RAP1GAP: variants seen among roughly 807,000 people sequenced by gnomAD.
RAP1GAP encodes the protein rap1 GTPase-activating protein 1.
Under a neutral mutation model 87.2 loss-of-function variants are expected in RAP1GAP, and 35 were observed. The observed-to-expected ratio is 0.40, with a 90% CI of 0.31 to 0.53. The LOEUF (loss-of-function observed/expected upper bound fraction) is 0.53, where lower values mean the gene tolerates loss of function less well. Among genes scored for constraint, RAP1GAP ranks in the 20% least tolerant of loss-of-function variants. The probability of loss-of-function intolerance (pLI) is 0.48; values close to 1 mark genes in which losing one functional copy is unlikely to be tolerated. For synonymous variants in RAP1GAP, 375 were observed against 363.9 expected (o/e 1.03, Z -0.35); for missense variants, 734 against 898.9 (o/e 0.82, Z 2.35).
chr1:21,630,262 T>G (rs1267052429), intron 2 of RAP1GAP, among the ~76,000 whole-genome samples: 1 of 138,814 alleles, frequency 7.2e-6, no homozygotes, highest in Non-Finnish European at 1.6e-5. Context: ...TTTTTTCTTT[T>G]TCCCTTTTTT....
At chr1:21,666,022 C>A (rs568740086) in intron 1 of RAP1GAP, among the ~76,000 whole-genome samples, 14 of 152,360 alleles carry the variant, frequency 9.2e-5, no homozygotes, top group African/African-American at 2.9e-4. Flanking sequence ...ATGACTTGTC[C>A]GGGCCACACA....
At chr1:21,631,109 G>C (rs2093634626) in intron 2 of RAP1GAP, among the ~76,000 whole-genome samples, 1 of 151,870 alleles carries the variant, frequency 6.6e-6, no homozygotes, top group African/African-American at 2.4e-5. Context: ...TCCCACCCTG[G>C]TCTCCTCCTG....
Position 21,609,837 on chromosome 1 carries a change from G to A in RAP1GAP, c.1000-191C>T, listed in dbSNP as rs1349798919. ...TGCCCTGAATTTTAGTGGTGGAGAT[G>A]GGTAGGGGCCTTAGGAATCATCGGG... On this transcript the variant is annotated intron_variant, in intron 14 of 24. Transcript: ENST00000374765. The surrounding 1 kb of genome is among the most constrained non-coding windows in gnomAD (Gnocchi z 4.4). 6.6e-6 allele frequency among the ~76,000 whole-genome samples: 1 copy of A among 152,194 alleles called. No homozygotes were observed. The highest frequency in any genetic ancestry group is 1.5e-5 in the Non-Finnish European group (1 of 68,038).
In RAP1GAP at chr1:21,610,137, C is replaced by G. The variant is rs763429449; in HGVS notation, c.982G>C (p.Asp328His). The stretch of plus-strand genomic sequence containing the variant: ...GCGCCCACCTTGTAGAGGGGGCCAT[C>G]AGGGCCCCCGCCCTCAGCCTGCACC... Reference protein sequence around the residue: ...VVVQAEGGGPDGPLYKVSVTA... With the variant: ...VVVQAEGGGPHGPLYKVSVTA... Residue 328 changes from aspartate (D) to histidine (H), a missense_variant, in exon 14 of 25, where the codon GAT (aspartate) becomes CAT (histidine). Asp to His is a moderately conservative substitution (Grantham distance 81). Transcript: ENST00000374765. The G allele has an allele frequency of 6.2e-7, 1 of 1,613,970 alleles. No individual in the cohort carries two copies. The highest frequency in any genetic ancestry group is 8.5e-7 in the Non-Finnish European group (1 of 1,179,960).
intron 3 of RAP1GAP, among the ~76,000 whole-genome samples, chr1:21,620,338 C>A (rs116068751): frequency 6.6e-6 from 1 of 152,188 alleles, no homozygotes; most frequent in East Asian, 1.9e-4. Context: ...TGGGGAGGGA[C>A]AGATCGTCCC....
chr1:21,631,842 G>A (rs1410879517), intron 2 of RAP1GAP, among the ~76,000 whole-genome samples: 1 of 152,196 alleles, frequency 6.6e-6, no homozygotes, highest in Non-Finnish European at 1.5e-5. Flanking sequence ...CCAGTCCAGT[G>A]TCCCTTCCAC....
Position 21,668,026 on chromosome 1 carries a change from C to G in RAP1GAP, c.-149+1228G>C, listed in dbSNP as rs2097430982. On this transcript the variant is annotated intron_variant, in intron 1 of 24. Coordinates refer to ENST00000374765, the MANE Select transcript of RAP1GAP (RefSeq NM_002885.4). The surrounding 1 kb of genome is among the most constrained non-coding windows in gnomAD (Gnocchi z 6.2). ...TCACTGCCTCCCCACTCAGCCACAG[C>G]CCTCAGGGCCCTGTGCCAGTCCAGA... 6.6e-6 allele frequency among the ~76,000 whole-genome samples: 1 copy of G among 152,186 alleles called. No homozygotes were observed. The highest frequency in any genetic ancestry group is 6.5e-5 in the Admixed American group (1 of 15,286).
chr1:21,599,734 T>C lies in RAP1GAP; in HGVS notation c.1653-117A>G, dbSNP rs1342391171. On this transcript the variant is annotated intron_variant, in intron 20 of 24. Coordinates refer to ENST00000374765, the MANE Select transcript of RAP1GAP (RefSeq NM_002885.4). ...CCAGCTGGTAGCAGCCAAGCACCTT[T>C]GAGGACCCCTTACAGATCCTTGGGC... 9 of 1,395,232 alleles carry C rather than the reference T, an allele frequency of 6.5e-6. No individual in the cohort carries two copies. In the East Asian group the frequency reaches 1.7e-4, roughly 27 times the overall value. 86.4% of individuals were successfully genotyped at this position (1,395,232 alleles called of 1,614,324 possible). A position where few individuals can be genotyped will look rare whatever the true frequency, so the allele number is the denominator to read the frequency against.
chr1:21,636,437 T>C (rs910969174), intron 2 of RAP1GAP, among the ~76,000 whole-genome samples: 1 of 152,236 alleles, frequency 6.6e-6, no homozygotes, highest in African/African-American at 2.4e-5. Flanking sequence ...TGTAGGTGCC[T>C]GAGGACTGAG....
At chr1:21,631,478 G>A (rs2093717352) in intron 2 of RAP1GAP, among the ~76,000 whole-genome samples, 1 of 152,190 alleles carries the variant, frequency 6.6e-6, no homozygotes, top group Admixed American at 6.5e-5. Context: ...CTGAGGCCAG[G>A]AGTTCGTGAC....
intron 3 of RAP1GAP, among the ~76,000 whole-genome samples, chr1:21,625,999 G>A (rs1346382070): frequency 6.6e-6 from 1 of 152,176 alleles, no homozygotes; most frequent in African/African-American, 2.4e-5. Flanking sequence ...TAAGGAGACT[G>A]ATGGTGACGT....
At chr1:21,606,969 T>A (rs974369932) in intron 17 of RAP1GAP, among the ~76,000 whole-genome samples, 6 of 152,194 alleles carry the variant, frequency 3.9e-5, no homozygotes, top group Non-Finnish European at 7.3e-5. Context: ...ACCCCACCTG[T>A]CCTGTCTCCA....
At chr1:21,635,349 A>G (rs1462267088) in intron 2 of RAP1GAP, among the ~76,000 whole-genome samples, 1 of 151,578 alleles carries the variant, frequency 6.6e-6, no homozygotes, top group Non-Finnish European at 1.5e-5. Context: ...TCGCTCACTC[A>G]CCCACTCGGT....
chr1:21,613,566 A>T lies in RAP1GAP; in HGVS notation c.474+62T>A, dbSNP rs1299676105. On this transcript the variant is annotated intron_variant, in intron 9 of 24. Transcript: ENST00000374765. The surrounding 1 kb of genome is among the most constrained non-coding windows in gnomAD (Gnocchi z 4.7). ...GAAGGGGACGCGCCAAGGCAAGCTG[A>T]AGCCCCACAGGTGCCCATCTGCGGA... 1.6e-5 allele frequency: 23 copies of T among 1,468,756 alleles called. No homozygotes were observed. The Admixed American group carries it at 2.5e-4, about 16-fold the overall frequency. 91.0% of individuals were successfully genotyped at this position (1,468,756 alleles called of 1,614,324 possible). A position where few individuals can be genotyped will look rare whatever the true frequency, so the allele number is the denominator to read the frequency against.
At position 21,613,220 on chromosome 1, in the gene RAP1GAP, C is replaced by A; in HGVS notation, c.484G>T (p.Glu162Ter). 6.4e-7 allele frequency: 1 copy of A among 1,560,002 alleles called. No individual in the cohort carries two copies. The change falls in exon 10 of 25, where the codon GAA (glutamate) becomes TAA (stop). Residue 162 changes from glutamate (E) to a stop codon, truncating the protein, a stop_gained. Coordinates refer to ENST00000374765, the MANE Select transcript of RAP1GAP (RefSeq NM_002885.4). LOFTEE classifies it high-confidence loss of function. The surrounding 1 kb of genome is among the most constrained non-coding windows in gnomAD (Gnocchi z 4.7). ...TAGAACCGATCCACATTGACGTCTT[C>A]ACACACCAACTGCAGGAGGAGATAA... ...NVVQMAKLVCEDVNVDRFYPV... is the reference protein window; with the variant it reads ...NVVQMAKLVC
intron 2 of RAP1GAP, among the ~76,000 whole-genome samples, chr1:21,639,974 A>G (rs997006893): frequency 4.6e-5 from 7 of 152,090 alleles, no homozygotes; most frequent in Non-Finnish European, 8.8e-5. Flanking sequence ...GAAGGCCCCA[A>G]TGGCTTCCCG....
At chr1:21,611,114 G>A (rs1171214065) in intron 13 of RAP1GAP, among the ~76,000 whole-genome samples, 2 of 152,112 alleles carry the variant, frequency 1.3e-5, no homozygotes, top group African/African-American at 4.8e-5. Flanking sequence ...TCCCACCTCT[G>A]CCAAGACTAC....
At chr1:21,664,403 G>C (rs1351256336) in intron 1 of RAP1GAP, among the ~76,000 whole-genome samples, 1 of 152,132 alleles carries the variant, frequency 6.6e-6, no homozygotes, top group African/African-American at 2.4e-5. Context: ...GGGAAATGCA[G>C]ACTCCTCGGC....
intron 1 of RAP1GAP, among the ~76,000 whole-genome samples, chr1:21,667,018 C>A (rs2097378817): frequency 6.6e-6 from 1 of 152,112 alleles, no homozygotes; most frequent in Non-Finnish European, 1.5e-5. Context: ...CCCGTGTGTT[C>A]CTGTGTCTGG....
Sources: gnomAD v4.1 joint callset for allele counts (sites outside exome capture counted in the v4.1 genomes callset) on GRCh38, gnomAD v4.1.1 for gene constraint, Gnocchi (gnomAD v3.1) non-coding constraint, MANE v1.5 for transcripts, NCBI Gene and HGNC (gene_info 2026-07-23, HGNC 2026-07-21) for gene names.